TRIM16: variants seen among roughly 807,000 people sequenced by gnomAD.
TRIM16 encodes tripartite motif containing 16, also known as tripartite motif-containing protein 16.
A neutral mutation model predicts 50.4 loss-of-function variants in TRIM16; 33 were observed. That is an observed-to-expected ratio of 0.65 (90% CI 0.50 to 0.88). TRIM16 has a LOEUF of 0.88. TRIM16 is among the 40% of genes least tolerant of loss of function. The pLI, the probability that TRIM16 is intolerant of heterozygous loss-of-function variation, is 0.00. For synonymous variants in TRIM16, 229 were observed against 270.7 expected (o/e 0.85, Z 1.51); for missense variants, 581 against 686.8 (o/e 0.85, Z 1.72).
intron 11 of TRIM16, among the ~76,000 whole-genome samples, chr17:15,630,954 G>A (rs1026310525): frequency 8.5e-5 from 13 of 152,310 alleles, no homozygotes; most frequent in Admixed American, 7.2e-4. Context: ...AAAGCTACAC[G>A]TGGATGTTCA....
intron 7 of TRIM16, among the ~76,000 whole-genome samples, chr17:15,649,431 C>G (rs8075651): frequency 0.018 from 2,786 of 152,074 alleles, 73 homozygotes; most frequent in African/African-American, 0.063. Flanking sequence ...GGACTACAGT[C>G]GCCCGCCACC....
intron 6 of TRIM16, among the ~76,000 whole-genome samples, chr17:15,655,305 A>T (rs1481485810): frequency 6.6e-6 from 1 of 152,188 alleles, no homozygotes; most frequent in Non-Finnish European, 1.5e-5. Flanking sequence ...CTTCAGTAGA[A>T]ATCAGAAGGC....
intron 6 of TRIM16, among the ~76,000 whole-genome samples, chr17:15,654,110 G>A (rs3760304): frequency 0.22 from 32,757 of 151,998 alleles, 3,683 homozygotes; most frequent in East Asian, 0.31. Context: ...GAGTTCTATA[G>A]GATTTGGATT....
intron 6 of TRIM16, among the ~76,000 whole-genome samples, chr17:15,672,502 G>T (rs1457116220): frequency 6.6e-6 from 1 of 151,514 alleles, no homozygotes. Context: ...AGGAAGCTAA[G>T]GTGGGCAGAC....
intron 8 of TRIM16, among the ~76,000 whole-genome samples, chr17:15,640,064 A>C (rs2150907303): frequency 6.7e-6 from 1 of 149,560 alleles, no homozygotes; most frequent in African/African-American, 2.5e-5. Context: ...TTAGATAAGG[A>C]AACTAAGACA....
chr17:15,646,634 G>A (rs1987390929), intron 7 of TRIM16, among the ~76,000 whole-genome samples: 1 of 146,456 alleles, frequency 6.8e-6, no homozygotes, highest in Admixed American at 6.8e-5. Context: ...GGGCAAAGGT[G>A]GCACACAAAG....
At chr17:15,637,122 G>T (rs1460674240) in intron 8 of TRIM16, among the ~76,000 whole-genome samples, 1 of 145,552 alleles carries the variant, frequency 6.9e-6, no homozygotes, top group Non-Finnish European at 1.5e-5. Flanking sequence ...AGGTGGGGGG[G>T]GGGGGTCAGC....
chr17:15,665,320 T>C (rs377628622), intron 6 of TRIM16, among the ~76,000 whole-genome samples: 130 of 152,044 alleles, frequency 8.6e-4, no homozygotes, highest in Middle Eastern at 6.8e-3. Flanking sequence ...CCATCCTGGC[T>C]AACCCAGTGA....
At chr17:15,645,120 T>G (rs1165506921) in intron 7 of TRIM16, among the ~76,000 whole-genome samples, 2 of 152,214 alleles carry the variant, frequency 1.3e-5, no homozygotes, top group Non-Finnish European at 2.9e-5. Context: ...GGCCTGTTTC[T>G]TATTTCACAA....
At chr17:15,639,960 T>C (rs1881239610) in intron 8 of TRIM16, among the ~76,000 whole-genome samples, 1 of 149,196 alleles carries the variant, frequency 6.7e-6, no homozygotes, top group African/African-American at 2.5e-5. Context: ...ACAATAATCA[T>C]AAAAACAACC....
At chr17:15,657,155 T>A (rs1776155664) in intron 6 of TRIM16, among the ~76,000 whole-genome samples, 1 of 152,226 alleles carries the variant, frequency 6.6e-6, no homozygotes, top group African/African-American at 2.4e-5. Flanking sequence ...TAAATACACA[T>A]AAAATACAAA....
Position 15,683,083 on chromosome 17 carries a change from G to A in TRIM16, c.-824C>T, listed in dbSNP as rs193158254. 166 of 1,550,560 alleles carry A rather than the reference G, an allele frequency of 1.1e-4. 3 individuals carry two copies. In the African/African-American group the frequency reaches 1.8e-3, roughly 17 times the overall value. The stretch of plus-strand genomic sequence containing the variant: ...CCAATCCTCCATAATCATAGCCTTT[G>A]CTTCACTATTTGGGTGTAGCAACCT... On this transcript the variant is annotated 5_prime_UTR_variant, in exon 2 of 12. The change creates a premature stop within an existing upstream ORF in the 5' untranslated region. Coordinates refer to ENST00000649191, the MANE Select transcript of TRIM16 (RefSeq NM_001348119.1).
intron 7 of TRIM16, among the ~76,000 whole-genome samples, chr17:15,646,147 C>A (rs1423576123): frequency 1.3e-5 from 2 of 152,170 alleles, no homozygotes; most frequent in Non-Finnish European, 2.9e-5. Context: ...CTGCTATTTG[C>A]AGACTACCAT....
Position 15,651,088 on chromosome 17 carries a change from C to A in TRIM16, c.519+3G>T. 1.2e-6 allele frequency: 2 copies of A among 1,600,882 alleles called. No homozygotes were observed. Among genetic ancestry groups the A allele is most frequent in the African/African-American group, 1.3e-5 (1 of 74,882 alleles). On this transcript the variant is annotated splice_donor_region_variant and intron_variant, in intron 7 of 11. Transcript: ENST00000649191. Reference sequence around the variant, plus strand: ...AATGGATGAATGGTCCCCAAGCACTCACCTCCTTGTCCCTGCGGGCTGCAT... The same window carrying A: ...AATGGATGAATGGTCCCCAAGCACTAACCTCCTTGTCCCTGCGGGCTGCAT...
At chr17:15,654,467 T>G (rs1047982037) in intron 6 of TRIM16, 1 of 152,118 alleles carries the variant, frequency 6.6e-6, no homozygotes, top group African/African-American at 2.4e-5. Context: ...TTAAAGAACG[T>G]GTAAGCAAAA....
intron 4 of TRIM16, among the ~76,000 whole-genome samples, chr17:15,678,076 A>G (rs1204341616): frequency 1.3e-5 from 2 of 152,044 alleles, no homozygotes; most frequent in African/African-American, 2.4e-5. Context: ...AAAATTAGCC[A>G]GGCATGGTGG....
chr17:15,637,775 G>T (rs1986901546), intron 8 of TRIM16, among the ~76,000 whole-genome samples: 3 of 121,914 alleles, frequency 2.5e-5, no homozygotes, highest in East Asian at 2.8e-4. Context: ...GAACGGGCCA[G>T]GATGACAATG....
At chr17:15,650,449 CATG>C (rs754418346) in intron 7 of TRIM16, among the ~76,000 whole-genome samples, 4 of 152,272 alleles carry the variant, frequency 2.6e-5, no homozygotes, top group Middle Eastern at 3.4e-3. Context: ...AGGCTATGAG[CATG>C]ATGTTTCTTA....
chr17:15,665,978 A>C (rs1475653128), intron 6 of TRIM16, among the ~76,000 whole-genome samples: 1 of 152,054 alleles, frequency 6.6e-6, no homozygotes, highest in Non-Finnish European at 1.5e-5. Flanking sequence ...CCAGCACCCA[A>C]CTAGATTACA....
Sources: allele counts gnomAD v4.1 joint callset (sites outside exome capture counted in the v4.1 genomes callset), GRCh38; gene constraint gnomAD v4.1.1; transcripts MANE v1.5; gene names NCBI Gene and HGNC (gene_info 2026-07-23, HGNC 2026-07-21).